The following FHIT variants were observed in gnomAD, a reference collection of about 807,000 sequenced individuals.
FHIT encodes bis(5'-adenosyl)-triphosphatase.
FHIT carries 19 observed loss-of-function variants against 17.9 expected under a neutral mutation model. That is an observed-to-expected ratio of 1.06 (90% confidence interval 0.74 to 1.56). The LOEUF is 1.56. FHIT is among the 40% of genes most tolerant of loss of function. The pLI is 0.00. For synonymous variants in FHIT, 81 were observed against 69.7 expected (o/e 1.16, Z -0.81); for missense variants, 248 against 189.2 (o/e 1.31, Z -1.82).
At chr3:59,816,115 G>A (rs1226097100) in intron 8 of FHIT, among the ~76,000 whole-genome samples, 1 of 152,188 alleles carries the variant, frequency 6.6e-6, no homozygotes, top group Admixed American at 6.5e-5. Flanking sequence ...CTGGGAGGCT[G>A]TGTCTCACAG....
intron 5 of FHIT, among the ~76,000 whole-genome samples, chr3:60,059,764 CTG>C (rs1193392314): frequency 2.0e-5 from 3 of 152,136 alleles, no homozygotes; most frequent in Non-Finnish European, 4.4e-5. Flanking sequence ...TGAATGAGGG[CTG>C]CCTAGAGCTC....
intron 5 of FHIT, among the ~76,000 whole-genome samples, chr3:60,217,755 T>G (rs1243012292): frequency 6.6e-6 from 1 of 152,176 alleles, no homozygotes; most frequent in Non-Finnish European, 1.5e-5. Flanking sequence ...ATTCCTAAGG[T>G]CTGCTTTAGC....
At chr3:60,724,895 C>T (rs782171922) in intron 4 of FHIT, among the ~76,000 whole-genome samples, 3 of 152,026 alleles carry the variant, frequency 2.0e-5, no homozygotes, top group Non-Finnish European at 2.9e-5. Flanking sequence ...GTGATCTTCC[C>T]GCCTCAGCCT....
intron 4 of FHIT, among the ~76,000 whole-genome samples, chr3:60,653,617 T>C (rs1402312813): frequency 2.0e-5 from 3 of 151,568 alleles, no homozygotes; most frequent in African/African-American, 7.3e-5. Flanking sequence ...CCAAGAATAA[T>C]TAACTGTAAA....
intron 8 of FHIT, among the ~76,000 whole-genome samples, chr3:59,894,803 T>A (rs1284822926): frequency 6.6e-6 from 1 of 152,206 alleles, no homozygotes; most frequent in African/African-American, 2.4e-5. Context: ...TAACATGCAA[T>A]CCTACTTCTA....
chr3:60,107,079 A>T (rs1055137738), intron 5 of FHIT, among the ~76,000 whole-genome samples: 1 of 151,956 alleles, frequency 6.6e-6, no homozygotes, highest in Non-Finnish European at 1.5e-5. Context: ...TTTGACAACC[A>T]ATCTGGGCAC....
At chr3:60,888,239 G>A (rs992021641) in intron 3 of FHIT, among the ~76,000 whole-genome samples, 10 of 152,252 alleles carry the variant, frequency 6.6e-5, no homozygotes, top group Admixed American at 4.6e-4. Flanking sequence ...CTAAAGCACC[G>A]CATTTTCTCC....
chr3:60,153,734 T>C (rs1700566513), intron 5 of FHIT, among the ~76,000 whole-genome samples: 1 of 152,196 alleles, frequency 6.6e-6, no homozygotes, highest in African/African-American at 2.4e-5. Flanking sequence ...CATTTTATCA[T>C]TCTGCTCTAG....
intron 4 of FHIT, among the ~76,000 whole-genome samples, chr3:60,781,631 T>G (rs1341929595): frequency 1.3e-5 from 2 of 152,164 alleles, no homozygotes; most frequent in African/African-American, 2.4e-5. Flanking sequence ...AAAGTACATA[T>G]CCTATTGCTA....
chr3:60,269,728 T>C (rs1706768332), intron 5 of FHIT, among the ~76,000 whole-genome samples: 1 of 152,230 alleles, frequency 6.6e-6, no homozygotes, highest in East Asian at 1.9e-4. Context: ...GGTCATTTTC[T>C]TCAAGAAGCT....
intron 3 of FHIT, among the ~76,000 whole-genome samples, chr3:61,010,135 A>G (rs1470112614): frequency 6.6e-6 from 1 of 152,158 alleles, no homozygotes; most frequent in Non-Finnish European, 1.5e-5. Context: ...CATATCTTCA[A>G]TTATTACCAA....
intron 5 of FHIT, among the ~76,000 whole-genome samples, chr3:60,134,731 A>G (rs1699741695): frequency 6.6e-6 from 1 of 152,164 alleles, no homozygotes; most frequent in East Asian, 1.9e-4. Flanking sequence ...TCCTCCAAAC[A>G]TGGAATAGCT....
At chr3:60,632,012 A>G (rs2107774380) in intron 4 of FHIT, among the ~76,000 whole-genome samples, 1 of 152,238 alleles carries the variant, frequency 6.6e-6, no homozygotes, top group African/African-American at 2.4e-5. Context: ...CTGAAAATTG[A>G]AATTATTTTT....
chr3:61,248,566 A>G (rs1022870364), intron 1 of FHIT, among the ~76,000 whole-genome samples: 2 of 152,208 alleles, frequency 1.3e-5, no homozygotes, highest in African/African-American at 4.8e-5. Context: ...GTGAATGCAA[A>G]CATAGTGTCA....
chr3:59,914,125 T>G (rs1444054618), intron 8 of FHIT, among the ~76,000 whole-genome samples: 2 of 152,222 alleles, frequency 1.3e-5, no homozygotes, highest in African/African-American at 4.8e-5. Context: ...ATTTTAGTGA[T>G]ATAATTTTTA....
chr3:60,635,237 T>C (rs1345849957), intron 4 of FHIT, among the ~76,000 whole-genome samples: 3 of 151,892 alleles, frequency 2.0e-5, no homozygotes, highest in African/African-American at 7.3e-5. Flanking sequence ...ATTCAGCCTA[T>C]TTGTTTCCTT....
chr3:60,583,826 G>A (rs1044424779), intron 4 of FHIT, among the ~76,000 whole-genome samples: 3 of 151,866 alleles, frequency 2.0e-5, no homozygotes, highest in Non-Finnish European at 4.4e-5. Context: ...GATACCATCA[G>A]CTAGTATTTC....
At chr3:60,804,981 C>G (rs1362997967) in intron 4 of FHIT, among the ~76,000 whole-genome samples, 1 of 152,218 alleles carries the variant, frequency 6.6e-6, no homozygotes, top group Non-Finnish European at 1.5e-5. Flanking sequence ...TCCTTTTGAG[C>G]ATAATCCACG....
intron 5 of FHIT, among the ~76,000 whole-genome samples, chr3:60,528,462 T>A (rs147071600): frequency 6.7e-6 from 1 of 149,806 alleles, no homozygotes; most frequent in Non-Finnish European, 1.5e-5. Context: ...AGGAAGGAAA[T>A]TGCCTCAGTA....
Sources: gnomAD v4.1 joint callset for allele counts (sites outside exome capture counted in the v4.1 genomes callset) on GRCh38, gnomAD v4.1.1 for gene constraint, MANE v1.5 for transcripts, NCBI Gene and HGNC (gene_info 2026-07-23, HGNC 2026-07-21) for gene names.